Variants in HDAC8 observed in about 807,000 individuals in gnomAD.
HDAC8 encodes the protein histone deacetylase 8, also known as histone deacetylase-like 1.
HDAC8 carries 1 observed loss-of-function variant against 32.2 expected under a neutral mutation model. The observed-to-expected ratio is 0.03, with a 90% CI of 0.01 to 0.15. The LOEUF (loss-of-function observed/expected upper bound fraction) is 0.15, where lower values mean the gene tolerates loss of function less well. Ranked by LOEUF, HDAC8 falls within the 10% of genes least tolerant of loss-of-function variation. The pLI is 1.00. For missense variants in HDAC8, 117 were observed against 300.0 expected (o/e 0.39, Z 4.51); for synonymous variants, 108 against 113.9 (o/e 0.95, Z 0.33).
chrX:72,509,412 C>T (rs1556020799), intron 4 of HDAC8, among the ~76,000 whole-genome samples: 2 of 111,700 alleles, frequency 1.8e-5, no homozygotes, highest in Admixed American at 9.5e-5. Flanking sequence ...CCCGGCCTCT[C>T]TTAGCAAATT....
intron 4 of HDAC8, among the ~76,000 whole-genome samples, chrX:72,504,116 TAATC>T (rs1381070638): frequency 4.4e-5 from 5 of 112,398 alleles, no homozygotes; most frequent in African/African-American, 1.3e-4. Context: ...CCTATGTAAA[TAATC>T]AAGCTAAATC....
intron 9 of HDAC8, among the ~76,000 whole-genome samples, chrX:72,455,479 G>A (rs1483403687): frequency 9.0e-6 from 1 of 111,563 alleles, no homozygotes; most frequent in Non-Finnish European, 1.9e-5. Flanking sequence ...AGCTTAACTA[G>A]CCACATTTTT....
chrX:72,416,831 T>C (rs1417652532), intron 9 of HDAC8, among the ~76,000 whole-genome samples: 2 of 110,323 alleles, frequency 1.8e-5, no homozygotes, highest in Admixed American at 1.9e-4. Context: ...AGTTTCTAAG[T>C]GTTTGGCAAT....
intron 9 of HDAC8, among the ~76,000 whole-genome samples, chrX:72,432,878 G>A (rs1475243840): frequency 9.0e-6 from 1 of 111,589 alleles, no homozygotes; most frequent in African/African-American, 3.3e-5. Context: ...GTCACTGAAT[G>A]ACTGAATGAC....
At chrX:72,339,988 T>A (rs914144846) in intron 10 of HDAC8, among the ~76,000 whole-genome samples, 3 of 112,190 alleles carry the variant, frequency 2.7e-5, no homozygotes, top group African/African-American at 9.7e-5. Context: ...GAACCTGAGG[T>A]TGTGGATTAA....
intron 10 of HDAC8, among the ~76,000 whole-genome samples, chrX:72,338,530 G>T (rs1555943472): frequency 9.2e-6 from 1 of 108,117 alleles, no homozygotes; most frequent in East Asian, 2.8e-4. Flanking sequence ...CAAAGGAACA[G>T]AGAAGTGAAT....
chrX:72,367,238 G>A (rs142997471), intron 9 of HDAC8, among the ~76,000 whole-genome samples: 3,636 of 111,852 alleles, frequency 0.033, 76 homozygotes, highest in Non-Finnish European at 0.05. Flanking sequence ...GGTGCTTCCC[G>A]GCAGCCAGCT....
chrX:72,572,616 CAA>C, intron 1 of HDAC8, 33 bp downstream of exon 1: 4 of 793,828 alleles, frequency 5.0e-6, no homozygotes, highest in Non-Finnish European at 7.0e-6. Context: ...CCCCCACCCC[CAA>C]AGCCCATGGT....
chrX:72,388,155 C>G (rs955422170), intron 9 of HDAC8, among the ~76,000 whole-genome samples: 1 of 110,616 alleles, frequency 9.0e-6, no homozygotes, highest in African/African-American at 3.3e-5. Flanking sequence ...CAATCTAGAA[C>G]GATCTTGTGT....
chrX:72,554,499 AGCGGGGAGG>A (rs1163611143), intron 4 of HDAC8, among the ~76,000 whole-genome samples: 1,093 of 14,920 alleles, frequency 0.073, 25 homozygotes, highest in African/African-American at 0.077. Flanking sequence ...GGGCGGGGGG[AGCGGGGAGG>A]GCGGGGAGGG....
At chrX:72,446,412 ATT>A (rs2047398356) in intron 9 of HDAC8, among the ~76,000 whole-genome samples, 1 of 110,991 alleles carries the variant, frequency 9.0e-6, no homozygotes, top group African/African-American at 3.3e-5. Context: ...GGAAATCATC[ATT>A]CTCAGTAAAC....
chrX:72,443,417 AC>A (rs1379985340), intron 9 of HDAC8, among the ~76,000 whole-genome samples: 1 of 110,965 alleles, frequency 9.0e-6, no homozygotes, highest in Non-Finnish European at 1.9e-5. Context: ...AAACTGAACA[AC>A]CTGCTCCTGA....
At chrX:72,416,098 A>G (rs1555971643) in intron 9 of HDAC8, among the ~76,000 whole-genome samples, 1 of 111,196 alleles carries the variant, frequency 9.0e-6, no homozygotes, top group Non-Finnish European at 1.9e-5. Context: ...GATTGTGTAG[A>G]ATTGTTGTGA....
chrX:72,537,276 A>G (rs1183269053), intron 4 of HDAC8, among the ~76,000 whole-genome samples: 1 of 112,131 alleles, frequency 8.9e-6, no homozygotes, highest in Non-Finnish European at 1.9e-5. Context: ...AGTGACCTGT[A>G]TCCAATGTTG....
chrX:72,446,666 C>G, intron 9 of HDAC8, among the ~76,000 whole-genome samples: 1 of 109,648 alleles, frequency 9.1e-6, no homozygotes, highest in Non-Finnish European at 1.9e-5. Context: ...GCACATGTAC[C>G]CTAAAACTTA....
chrX:72,513,409 T>G (rs2049662197), intron 4 of HDAC8, among the ~76,000 whole-genome samples: 1 of 109,011 alleles, frequency 9.2e-6, no homozygotes, highest in Admixed American at 9.8e-5. Flanking sequence ...CACTGCAACC[T>G]CTGCCTCCTG....
At chrX:72,381,253 A>G (rs1409836138) in intron 9 of HDAC8, among the ~76,000 whole-genome samples, 1 of 111,840 alleles carries the variant, frequency 8.9e-6, no homozygotes, top group Non-Finnish European at 1.9e-5. Flanking sequence ...TACAGAAGGC[A>G]TTATTCTAAT....
intron 9 of HDAC8, among the ~76,000 whole-genome samples, chrX:72,446,230 G>A (rs1484631156): frequency 8.0e-5 from 9 of 112,110 alleles, no homozygotes; most frequent in African/African-American, 9.7e-5. Flanking sequence ...AAAGACACAC[G>A]CACACGTATG....
intron 5 of HDAC8, among the ~76,000 whole-genome samples, chrX:72,491,282 T>C (rs1486012746): frequency 1.8e-5 from 2 of 111,763 alleles, no homozygotes; most frequent in African/African-American, 6.5e-5. Context: ...CAATGGGATG[T>C]CTGGGCTCTC....
Sources: gnomAD v4.1 joint callset for allele counts (sites outside exome capture counted in the v4.1 genomes callset) on GRCh38, gnomAD v4.1.1 for gene constraint, MANE v1.5 for transcripts, NCBI Gene and HGNC (gene_info 2026-07-23, HGNC 2026-07-21) for gene names.